The following GPM6A variants were observed in gnomAD, a reference collection of about 807,000 sequenced individuals.
GPM6A encodes the protein neuronal membrane glycoprotein M6-a.
A neutral mutation model predicts 32.1 loss-of-function variants in GPM6A; 7 were observed. The ratio of observed to expected loss-of-function variants is 0.22; its 90% CI spans 0.12 to 0.41. The LOEUF (loss-of-function observed/expected upper bound fraction) is 0.41. Among genes scored for constraint, GPM6A ranks in the 10% least tolerant of loss-of-function variants. GPM6A has a pLI of 1.00. For synonymous variants in GPM6A, 130 were observed against 123.4 expected (o/e 1.05, Z -0.35); for missense variants, 235 against 347.2 (o/e 0.68, Z 2.57).
At chr4:175,887,990 C>G (rs1737516358) in intron 1 of GPM6A, among the ~76,000 whole-genome samples, 1 of 151,766 alleles carries the variant, frequency 6.6e-6, no homozygotes, top group African/African-American at 2.4e-5. Flanking sequence ...TGCTATATTA[C>G]TACATAAATC....
chr4:175,745,067 G>T (rs115897261), intron 1 of GPM6A, among the ~76,000 whole-genome samples: 6,696 of 150,272 alleles, frequency 0.045, 189 homozygotes, highest in Non-Finnish European at 0.063. Context: ...CTTATCTACT[G>T]CAGGAGCCAT....
intron 1 of GPM6A, among the ~76,000 whole-genome samples, chr4:175,968,669 A>G (rs1173024591): frequency 6.6e-6 from 1 of 152,212 alleles, no homozygotes; most frequent in Non-Finnish European, 1.5e-5. Context: ...AGATTATCAT[A>G]TGAAAAAATA....
chr4:175,876,460 G>A (rs1392551704), intron 1 of GPM6A, among the ~76,000 whole-genome samples: 1 of 152,116 alleles, frequency 6.6e-6, no homozygotes. Context: ...TCAATTTCTG[G>A]AGAGAAAATA....
intron 3 of GPM6A, among the ~76,000 whole-genome samples, chr4:175,661,277 CAT>C (rs1742394716): frequency 6.6e-6 from 1 of 151,732 alleles, no homozygotes; most frequent in South Asian, 2.1e-4. Flanking sequence ...CTACTAAAAA[CAT>C]AAAAATTAGC....
chr4:175,812,819 G>T, upstream of GPM6A: 1 of 985,126 alleles, frequency 1.0e-6, no homozygotes, highest in South Asian at 4.7e-5. Flanking sequence ...CAGATACGTT[G>T]CAAAAAAACT....
chr4:175,943,205 T>G (rs1739472513), intron 1 of GPM6A, among the ~76,000 whole-genome samples: 1 of 152,216 alleles, frequency 6.6e-6, no homozygotes, highest in South Asian at 2.1e-4. Context: ...TGTATATGAA[T>G]GCTTGTGATT....
chr4:175,768,977 C>G (rs545969029), intron 1 of GPM6A, among the ~76,000 whole-genome samples: 65 of 152,030 alleles, frequency 4.3e-4, no homozygotes, highest in African/African-American at 1.5e-3. Context: ...CGCCTGTAAT[C>G]CCAGCTATTC....
chr4:175,737,348 G>T (rs140376737), intron 1 of GPM6A, among the ~76,000 whole-genome samples: 1 of 151,758 alleles, frequency 6.6e-6, no homozygotes, highest in East Asian at 1.9e-4. Context: ...AATCCTGCAC[G>T]CCTGTAATCC....
chr4:175,830,745 T>G (rs1206353469), intron 1 of GPM6A, among the ~76,000 whole-genome samples: 1 of 152,184 alleles, frequency 6.6e-6, no homozygotes, highest in Non-Finnish European at 1.5e-5. Flanking sequence ...ATGCCGCCAT[T>G]CTGTACTTAC....
At chr4:175,881,227 A>G (rs1233540947) in intron 1 of GPM6A, among the ~76,000 whole-genome samples, 2 of 152,240 alleles carry the variant, frequency 1.3e-5, no homozygotes, top group Non-Finnish European at 2.9e-5. Flanking sequence ...AATGCAGCCA[A>G]CAGACACATG....
At chr4:175,986,113 A>G (rs1270072229) in intron 1 of GPM6A, among the ~76,000 whole-genome samples, 2 of 152,150 alleles carry the variant, frequency 1.3e-5, no homozygotes, top group African/African-American at 4.8e-5. Flanking sequence ...CCTACATTTT[A>G]TTAAATGCAT....
At chr4:175,749,282 C>T (rs1732227003) in intron 1 of GPM6A, among the ~76,000 whole-genome samples, 1 of 152,008 alleles carries the variant, frequency 6.6e-6, no homozygotes, top group Non-Finnish European at 1.5e-5. Context: ...CGCAGATCAC[C>T]ATAACAAATA....
rs1000816982 is a variant in GPM6A, at chr4:175,984,515, T to C, written c.-23+17794A>G. 3.9e-5 allele frequency among the ~76,000 whole-genome samples: 6 copies of C among 152,150 alleles called. No individual in the cohort carries two copies. The East Asian group carries it at 1.2e-3, about 29-fold the overall frequency. ...TCTATTGTATCATTTGTCTTTTTTC[T>C]TAGTGATGTATAAGTTATTTATATA... is the stretch of plus-strand genomic sequence containing the variant. On this transcript the variant is annotated intron_variant, in intron 1 of 7. Transcript: ENST00000280187.
At chr4:175,679,862 G>A (rs937508682) in intron 2 of GPM6A, among the ~76,000 whole-genome samples, 1 of 152,008 alleles carries the variant, frequency 6.6e-6, no homozygotes, top group African/African-American at 2.4e-5. Flanking sequence ...CTAGCAATTT[G>A]TAAGAATACT....
At chr4:175,665,921 CTTT>C (rs774784502) in intron 3 of GPM6A, among the ~76,000 whole-genome samples, 4 of 139,794 alleles carry the variant, frequency 2.9e-5, no homozygotes, top group Non-Finnish European at 6.3e-5. Context: ...GAAAAATGTA[CTTT>C]TTTTTTTTTT....
At chr4:175,735,653 G>A (rs560060207) in intron 1 of GPM6A, among the ~76,000 whole-genome samples, 33 of 151,838 alleles carry the variant, frequency 2.2e-4, no homozygotes, top group Non-Finnish European at 4.3e-4. Context: ...TCCGACTCCA[G>A]GGTTCAAGTG....
At chr4:175,690,726 T>G (rs1200826630) in intron 2 of GPM6A, among the ~76,000 whole-genome samples, 3 of 152,212 alleles carry the variant, frequency 2.0e-5, no homozygotes, top group Non-Finnish European at 4.4e-5. Flanking sequence ...TTGGGGCTCA[T>G]CCAGATAATC....
chr4:175,647,011 G>A (rs374677010), intron 4 of GPM6A, among the ~76,000 whole-genome samples: 27 of 152,164 alleles, frequency 1.8e-4, no homozygotes, highest in Admixed American at 1.6e-3. Context: ...TCTGTGTGGC[G>A]AGCACTGTGA....
intron 1 of GPM6A, among the ~76,000 whole-genome samples, chr4:175,999,309 T>C (rs1371364696): frequency 6.6e-6 from 1 of 152,180 alleles, no homozygotes; most frequent in Non-Finnish European, 1.5e-5. Flanking sequence ...CAGGTTAAAG[T>C]TCATCTTAAA....
Sources: gnomAD v4.1 joint callset for allele counts (sites outside exome capture counted in the v4.1 genomes callset) on GRCh38, gnomAD v4.1.1 for gene constraint, MANE v1.5 for transcripts, NCBI Gene and HGNC (gene_info 2026-07-23, HGNC 2026-07-21) for gene names.